The following HPSE2 variants were observed in gnomAD, a reference collection of about 807,000 sequenced individuals.
HPSE2 encodes heparanase 2 (inactive).
HPSE2 carries 38 observed loss-of-function variants against 60.5 expected under a neutral mutation model. The ratio of observed to expected loss-of-function variants is 0.63; its 90% CI spans 0.48 to 0.82. The LOEUF is 0.82. HPSE2 is among the 40% of genes least tolerant of loss of function. The probability of loss-of-function intolerance (pLI) is 0.00; values close to 1 mark genes in which losing one functional copy is unlikely to be tolerated. For synonymous variants in HPSE2, 295 were observed against 293.2 expected (o/e 1.01, Z -0.06); for missense variants, 713 against 740.4 (o/e 0.96, Z 0.43).
At chr10:99,171,394 T>C (rs1344026297) in intron 2 of HPSE2, among the ~76,000 whole-genome samples, 1 of 151,808 alleles carries the variant, frequency 6.6e-6, no homozygotes, top group Non-Finnish European at 1.5e-5. Context: ...GAAGCCCTCA[T>C]GGAAGATGAA....
intron 3 of HPSE2, among the ~76,000 whole-genome samples, chr10:98,994,478 A>G (rs937537761): frequency 4.6e-5 from 7 of 151,864 alleles, no homozygotes; most frequent in Non-Finnish European, 1.0e-4. Flanking sequence ...ACCCTTCCCA[A>G]ACAGGCATCA....
intron 5 of HPSE2, among the ~76,000 whole-genome samples, chr10:98,705,039 C>T (rs1040177052): frequency 6.6e-6 from 1 of 152,008 alleles, no homozygotes; most frequent in Non-Finnish European, 1.5e-5. Flanking sequence ...CCAGAATCTA[C>T]AAGGAACTTA....
At chr10:99,014,965 A>T (rs1316751462) in intron 3 of HPSE2, among the ~76,000 whole-genome samples, 2 of 152,220 alleles carry the variant, frequency 1.3e-5, no homozygotes, top group African/African-American at 4.8e-5. Flanking sequence ...GAACTCAAAC[A>T]AATTTACAAG....
At chr10:99,283,620 TA>T in the HPSE2 span, among the ~76,000 whole-genome samples, 1 of 151,536 alleles carries the variant, frequency 6.6e-6, no homozygotes, top group African/African-American at 2.4e-5. Context: ...TTAACTAAGA[TA>T]AAAAAAGAGA....
intron 3 of HPSE2, among the ~76,000 whole-genome samples, chr10:99,112,403 CT>C (rs1181430021): frequency 7.1e-6 from 1 of 141,112 alleles, no homozygotes; most frequent in South Asian, 2.7e-4. Context: ...CCATGCCCGG[CT>C]TTTTTTTGTT....
the HPSE2 span, among the ~76,000 whole-genome samples, chr10:99,310,464 T>A: frequency 6.6e-6 from 1 of 152,224 alleles, no homozygotes; most frequent in African/African-American, 2.4e-5. Flanking sequence ...TTAATTAACA[T>A]CTAAAATTTT....
intron 9 of HPSE2, among the ~76,000 whole-genome samples, chr10:98,527,725 G>A (rs1196611260): frequency 6.6e-6 from 1 of 152,174 alleles, no homozygotes; most frequent in Non-Finnish European, 1.5e-5. Context: ...AAGAGGCTAT[G>A]TCTGTTTCCT....
chr10:98,499,953 T>C (rs1002920067), intron 9 of HPSE2, among the ~76,000 whole-genome samples: 4 of 152,152 alleles, frequency 2.6e-5, no homozygotes, highest in African/African-American at 9.7e-5. Context: ...TAAAAGGCCT[T>C]GGCTAACAGG....
chr10:99,105,734 T>A (rs1044092071), intron 3 of HPSE2, among the ~76,000 whole-genome samples: 1 of 152,236 alleles, frequency 6.6e-6, no homozygotes, highest in East Asian at 1.9e-4. Context: ...TATCTTTTAT[T>A]GTAGAAGATT....
At chr10:98,610,043 A>G (rs910664338) in intron 9 of HPSE2, among the ~76,000 whole-genome samples, 7 of 152,010 alleles carry the variant, frequency 4.6e-5, no homozygotes, top group African/African-American at 9.7e-5. Flanking sequence ...GGGTTTCACT[A>G]TGTTAGCCAG....
intron 3 of HPSE2, among the ~76,000 whole-genome samples, chr10:98,757,119 T>C (rs1218464520): frequency 6.6e-6 from 1 of 152,082 alleles, no homozygotes; most frequent in Non-Finnish European, 1.5e-5. Context: ...AGGCTTTCCA[T>C]AAAATTCAAC....
the HPSE2 span, among the ~76,000 whole-genome samples, chr10:99,272,350 C>A: frequency 6.6e-6 from 1 of 151,722 alleles, no homozygotes; most frequent in African/African-American, 2.4e-5. Context: ...TTGGAAAAAC[C>A]CTTCTAGACA....
intron 5 of HPSE2, among the ~76,000 whole-genome samples, chr10:98,716,599 T>C (rs1948797329): frequency 6.6e-6 from 1 of 152,072 alleles, no homozygotes; most frequent in Non-Finnish European, 1.5e-5. Context: ...AATCACTATC[T>C]ATGGCAGCTA....
chr10:98,733,784 C>G (rs2134292122), intron 4 of HPSE2, among the ~76,000 whole-genome samples: 1 of 151,376 alleles, frequency 6.6e-6, no homozygotes, highest in South Asian at 2.1e-4. Flanking sequence ...TTGTAATCAA[C>G]CGGTGGCAAG....
chr10:98,868,163 T>TA (rs1952641315), intron 3 of HPSE2, among the ~76,000 whole-genome samples: 1 of 151,610 alleles, frequency 6.6e-6, no homozygotes, highest in Admixed American at 6.6e-5. Flanking sequence ...TATTCAGCTA[T>TA]AAAAAGAATG....
chr10:99,230,602 C>T (rs552411612), intron 2 of HPSE2, among the ~76,000 whole-genome samples: 134 of 152,032 alleles, frequency 8.8e-4, no homozygotes, highest in African/African-American at 3.1e-3. Context: ...CCCATGATGC[C>T]CACTTTCTCC....
chr10:98,959,362 A>G (rs926230067), intron 3 of HPSE2, among the ~76,000 whole-genome samples: 32 of 110,588 alleles, frequency 2.9e-4, no homozygotes, highest in Non-Finnish European at 5.3e-4. Flanking sequence ...TCTCTGGAAA[A>G]AAAAAAAAAA....
intron 9 of HPSE2, among the ~76,000 whole-genome samples, chr10:98,490,517 G>C (rs1454768712): frequency 2.0e-5 from 3 of 152,108 alleles, no homozygotes; most frequent in Non-Finnish European, 4.4e-5. Context: ...ACCATTTGAG[G>C]CTTTACATTT....
At chr10:99,183,244 G>A (rs1398608763) in intron 2 of HPSE2, among the ~76,000 whole-genome samples, 9 of 152,012 alleles carry the variant, frequency 5.9e-5, no homozygotes, top group South Asian at 2.1e-4. Context: ...TATAGGAGAC[G>A]GATTTTCACA....
Sources: allele counts gnomAD v4.1 joint callset (sites outside exome capture counted in the v4.1 genomes callset), GRCh38; gene constraint gnomAD v4.1.1; transcripts MANE v1.5; gene names NCBI Gene and HGNC (gene_info 2026-07-23, HGNC 2026-07-21).